The following FAM227B variants were observed in gnomAD, a reference collection of about 807,000 sequenced individuals.
FAM227B encodes protein FAM227B.
In FAM227B, 88 loss-of-function variants were observed where a neutral mutation model predicts 73.8. The observed-to-expected ratio is 1.19, with a 90% CI of 1.00 to 1.42. The LOEUF is 1.42. Among genes scored for constraint, FAM227B ranks in the 40% most tolerant of loss-of-function variants. FAM227B has a pLI of 0.00. For missense variants in FAM227B, 632 were observed against 590.9 expected (o/e 1.07, Z -0.72); for synonymous variants, 210 against 190.5 (o/e 1.10, Z -0.84).
chr15:49,534,604 A>G (rs762095189), intron 10 of FAM227B, among the ~76,000 whole-genome samples: 84 of 151,484 alleles, frequency 5.5e-4, no homozygotes, highest in Non-Finnish European at 1.0e-3. Context: ...TTGCACTGTG[A>G]TAACAGACAT....
At chr15:49,546,263 C>T (rs2071861829) in intron 9 of FAM227B, among the ~76,000 whole-genome samples, 1 of 152,118 alleles carries the variant, frequency 6.6e-6, no homozygotes, top group Non-Finnish European at 1.5e-5. Context: ...CCATTTTCAT[C>T]CATGTCCCTA....
chr15:49,578,595 T>C (rs961515365), intron 5 of FAM227B, among the ~76,000 whole-genome samples: 3 of 151,986 alleles, frequency 2.0e-5, no homozygotes, highest in Non-Finnish European at 4.4e-5. Flanking sequence ...CACATACACA[T>C]ATATTAGAAA....
Position 49,327,899 on chromosome 15 carries a change from A to G in FAM227B, c.*669T>C. 6.5e-7 allele frequency: 1 copy of G among 1,547,260 alleles called. No homozygotes were observed. Among genetic ancestry groups the G allele is most frequent in the South Asian group, 1.2e-5 (1 of 82,824 alleles). On this transcript the variant is annotated 3_prime_UTR_variant, in exon 16 of 16. Transcript: ENST00000299338. ...TATGTGTTCTACAAACACCAAGCAA[A>G]TCCCTTGTATTTTCATTTATAGGTT...
chr15:49,498,813 T>A (rs2057858748), intron 11 of FAM227B, among the ~76,000 whole-genome samples: 1 of 151,398 alleles, frequency 6.6e-6, no homozygotes, highest in Non-Finnish European at 1.5e-5. Flanking sequence ...AGAGCAAGGG[T>A]TGCTATTCTT....
At chr15:49,449,911 AG>A (rs1389017542) in intron 11 of FAM227B, among the ~76,000 whole-genome samples, 3 of 152,094 alleles carry the variant, frequency 2.0e-5, no homozygotes, top group Non-Finnish European at 2.9e-5. Flanking sequence ...GTTGGAAAAC[AG>A]GTTTTTAGAA....
At chr15:49,338,907 G>A (rs930011106) in intron 13 of FAM227B, among the ~76,000 whole-genome samples, 1 of 151,752 alleles carries the variant, frequency 6.6e-6, no homozygotes, top group East Asian at 1.9e-4. Flanking sequence ...CCTTTCTACC[G>A]CTTGATCAAT....
intron 11 of FAM227B, among the ~76,000 whole-genome samples, chr15:49,500,494 C>T (rs886876998): frequency 6.6e-6 from 1 of 152,078 alleles, no homozygotes; most frequent in Non-Finnish European, 1.5e-5. Context: ...GGCAAATAAG[C>T]ACATGAAAAG....
At chr15:49,491,416 C>T (rs530760867) in intron 11 of FAM227B, among the ~76,000 whole-genome samples, 4 of 151,838 alleles carry the variant, frequency 2.6e-5, no homozygotes, top group Non-Finnish European at 5.9e-5. Context: ...GGCTCTAACT[C>T]GACTGTCCAA....
chr15:49,403,186 T>A (rs974543485), intron 11 of FAM227B, among the ~76,000 whole-genome samples: 1 of 152,150 alleles, frequency 6.6e-6, no homozygotes, highest in Non-Finnish European at 1.5e-5. Flanking sequence ...TTTGCCAGTA[T>A]TTGGTTGAGG....
In FAM227B at chr15:49,542,360, C is replaced by G. The variant is rs920682792; in HGVS notation, c.748-554G>C. Among the ~76,000 whole-genome samples, 3 of 152,048 alleles carry G rather than the reference C, an allele frequency of 2.0e-5. No homozygotes were observed. The East Asian group carries it at 5.8e-4, about 29-fold the overall frequency. ...TTTGATTTCAATAGTTTTGGGGGAA[C>G]AAGTGGTATCTAATTGCATGGAAAA... is the stretch of plus-strand genomic sequence containing the variant. On this transcript the variant is annotated intron_variant, in intron 9 of 15. Transcript: ENST00000299338.
chr15:49,446,158 T>C (rs766136881), intron 11 of FAM227B, among the ~76,000 whole-genome samples: 9 of 151,614 alleles, frequency 5.9e-5, no homozygotes, highest in South Asian at 2.1e-4. Flanking sequence ...ACAATTTTCA[T>C]TGAGGAAGGC....
chr15:49,478,902 C>T (rs1457370033), intron 11 of FAM227B, among the ~76,000 whole-genome samples: 1 of 152,028 alleles, frequency 6.6e-6, no homozygotes, highest in African/African-American at 2.4e-5. Context: ...GAATTAGTAT[C>T]AATTTCTGAA....
chr15:49,343,409 C>A (rs1365713338), intron 13 of FAM227B, among the ~76,000 whole-genome samples: 3 of 152,134 alleles, frequency 2.0e-5, no homozygotes, highest in Non-Finnish European at 4.4e-5. Context: ...TCTCTTACTT[C>A]ATTTCCTGAA....
chr15:49,580,143 A>T (rs888749092), intron 5 of FAM227B, among the ~76,000 whole-genome samples: 2 of 152,232 alleles, frequency 1.3e-5, no homozygotes, highest in Non-Finnish European at 2.9e-5. Flanking sequence ...TATTTAACAA[A>T]AAGAATAACT....
chr15:49,504,799 T>C (rs2058453111), intron 11 of FAM227B, among the ~76,000 whole-genome samples: 1 of 152,180 alleles, frequency 6.6e-6, no homozygotes, highest in Non-Finnish European at 1.5e-5. Context: ...GAGCCTCTTT[T>C]TTCCTAAATT....
rs150825985 is a variant in FAM227B at position 49,354,551 on chromosome 15, C to T, written c.1271+12897G>A. Among the ~76,000 whole-genome samples, 50 of 152,350 alleles carry T rather than the reference C, an allele frequency of 3.3e-4. No homozygotes were observed. The South Asian group carries it at 3.5e-3, about 11-fold the overall frequency. ...GCACTTTTCCGACCGGCTTAAAAAA[C>T]GGCGCACCACGAGATTATATCCCGC... is the stretch of plus-strand genomic sequence containing the variant. On this transcript the variant is annotated intron_variant, in intron 13 of 15. Transcript: ENST00000299338.
chr15:49,328,745 A>C, intron 15 of FAM227B, 70 bp from the exon 16 acceptor site: 1 of 1,498,794 alleles, frequency 6.7e-7, no homozygotes, highest in Non-Finnish European at 8.9e-7. Flanking sequence ...TTTGAATGTG[A>C]GATTTCTCCA....
At chr15:49,377,411 C>T (rs1331718394) in intron 11 of FAM227B, among the ~76,000 whole-genome samples, 1 of 152,032 alleles carries the variant, frequency 6.6e-6, no homozygotes, top group African/African-American at 2.4e-5. Flanking sequence ...TATATGGTAG[C>T]TCAATTTTTA....
intron 11 of FAM227B, among the ~76,000 whole-genome samples, chr15:49,410,152 C>T (rs2048776978): frequency 6.6e-6 from 1 of 152,178 alleles, no homozygotes; most frequent in African/African-American, 2.4e-5. Flanking sequence ...TTTGCATCCA[C>T]TCTCCAGCCC....
Sources: allele counts gnomAD v4.1 joint callset (sites outside exome capture counted in the v4.1 genomes callset), GRCh38; gene constraint gnomAD v4.1.1; transcripts MANE v1.5; gene names NCBI Gene and HGNC (gene_info 2026-07-23, HGNC 2026-07-21).